Variants in CHD9 observed in about 807,000 individuals in gnomAD.
CHD9 encodes the protein chromodomain helicase DNA binding protein 9, also known as ATP-dependent chromatin remodeler CHD9.
CHD9 carries 77 observed loss-of-function variants against 316.1 expected under a neutral mutation model. The observed-to-expected ratio is 0.24, with a 90% CI of 0.20 to 0.29. The LOEUF (loss-of-function observed/expected upper bound fraction) is 0.29, where lower values mean the gene tolerates loss of function less well. CHD9 is among the 10% of genes least tolerant of loss of function. The pLI is 1.00. For synonymous variants in CHD9, 1,129 were observed against 1,158.3 expected (o/e 0.97, Z 0.51); for missense variants, 2,763 against 3,438.1 (o/e 0.80, Z 4.91).
chr16:53,137,990 G>T (rs2039843672), intron 1 of CHD9, among the ~76,000 whole-genome samples: 1 of 152,146 alleles, frequency 6.6e-6, no homozygotes. Context: ...TAGCTATTAG[G>T]TGGAATGCAC....
At chr16:53,097,949 G>C (rs2036519885) in intron 1 of CHD9, among the ~76,000 whole-genome samples, 1 of 151,928 alleles carries the variant, frequency 6.6e-6, no homozygotes, top group Admixed American at 6.6e-5. Context: ...GTGAAACCCT[G>C]TCTCTACTAA....
At chr16:53,253,682 T>C (rs2050319149) in intron 17 of CHD9, among the ~76,000 whole-genome samples, 2 of 152,106 alleles carry the variant, frequency 1.3e-5, no homozygotes, top group Non-Finnish European at 2.9e-5. Flanking sequence ...CTTTAAAACT[T>C]GAGTGGTAGC....
At chr16:53,261,481 C>G (rs750498370) in intron 19 of CHD9, among the ~76,000 whole-genome samples, 4 of 150,152 alleles carry the variant, frequency 2.7e-5, no homozygotes, top group Non-Finnish European at 4.4e-5. Context: ...TCAAGTGACC[C>G]ACCCACCTCA....
intron 37 of CHD9, among the ~76,000 whole-genome samples, chr16:53,320,593 T>C (rs984784314): frequency 2.0e-5 from 3 of 152,180 alleles, no homozygotes; most frequent in African/African-American, 7.2e-5. Flanking sequence ...TATCAAGATA[T>C]AGTATTTAAT....
In CHD9 at chr16:53,123,264, G is replaced by A. The variant is rs150920158; in HGVS notation, c.-164-32662G>A. On this transcript the variant is annotated intron_variant, in intron 1 of 38. Transcript: ENST00000447540. ...TTCTAGTGTATTCAGAGTTGTGCAA[G>A]TATCTCCACAATCTAATTTTAAAAC... 6.3e-3 allele frequency among the ~76,000 whole-genome samples: 960 copies of A among 151,322 alleles called. 7 individuals are homozygous for A. The highest frequency in any genetic ancestry group is 0.023 in the African/African-American group (937 of 41,148).
At chr16:53,306,837 T>A (rs2056024971) in intron 32 of CHD9, among the ~76,000 whole-genome samples, 1 of 152,124 alleles carries the variant, frequency 6.6e-6, no homozygotes, top group South Asian at 2.1e-4. Context: ...TGGCTTACAG[T>A]GGCACAATCT....
intron 2 of CHD9, among the ~76,000 whole-genome samples, chr16:53,186,422 G>A (rs919485027): frequency 6.6e-6 from 1 of 152,156 alleles, no homozygotes; most frequent in Admixed American, 6.5e-5. Context: ...ATTGTATCTA[G>A]GAAGTAACTA....
intron 20 of CHD9, among the ~76,000 whole-genome samples, chr16:53,263,514 T>A (rs2152993383): frequency 6.6e-6 from 1 of 152,216 alleles, no homozygotes; most frequent in South Asian, 2.1e-4. Context: ...TCTTATGACT[T>A]CCCTTGAGCT....
At chr16:53,170,462 A>G (rs1179771664) in intron 2 of CHD9, among the ~76,000 whole-genome samples, 1 of 152,116 alleles carries the variant, frequency 6.6e-6, no homozygotes, top group Non-Finnish European at 1.5e-5. Context: ...CTTCTGGTGC[A>G]AGAACTTTGT....
rs1376385752 is a variant in CHD9 at position 53,324,613 on chromosome 16, A to G, written c.8412A>G (p.Pro2804=). Reference sequence around the variant, plus strand: ...TATTACTATCTAATATACTTTATCCAGGGATGCTTCTCACTCCAGGCCTTA... The same window carrying G: ...TATTACTATCTAATATACTTTATCCGGGGATGCTTCTCACTCCAGGCCTTA... ...NPLLLSNILY[P]GMLLTPGLNL... is the part of the protein sequence containing the mutation. Residue 2804 remains proline, a synonymous_variant, in exon 39 of 39, where the codon CCA becomes CCG. Coordinates refer to ENST00000447540, the MANE Select transcript of CHD9 (RefSeq NM_001308319.2). The G allele has an allele frequency of 1.2e-6, 2 of 1,613,722 alleles. No individual in the cohort carries two copies. Among genetic ancestry groups the G allele is most frequent in the South Asian group, 1.1e-5 (1 of 91,048 alleles).
intron 26 of CHD9, among the ~76,000 whole-genome samples, chr16:53,287,573 C>T (rs1252417016): frequency 3.9e-5 from 6 of 152,012 alleles, no homozygotes; most frequent in Admixed American, 3.9e-4. Flanking sequence ...ACTAAAGATA[C>T]AGAATTAGCC....
intron 1 of CHD9, among the ~76,000 whole-genome samples, chr16:53,093,565 C>G (rs945425073): frequency 1.3e-5 from 2 of 152,190 alleles, no homozygotes; most frequent in African/African-American, 4.8e-5. Flanking sequence ...TACAAGGTTC[C>G]TGCCTTCTAG....
chr16:53,174,630 A>G (rs535548583), intron 2 of CHD9, among the ~76,000 whole-genome samples: 1 of 152,168 alleles, frequency 6.6e-6, no homozygotes, highest in East Asian at 1.9e-4. Context: ...AATTTTTAAG[A>G]CAGAGCCTCA....
chr16:53,113,845 A>G (rs1411912969), intron 1 of CHD9, among the ~76,000 whole-genome samples: 4 of 152,058 alleles, frequency 2.6e-5, no homozygotes, highest in Non-Finnish European at 4.4e-5. Flanking sequence ...AGCTAGGACT[A>G]CAGCATGCAC....
At chr16:53,196,115 A>G (rs917182668) in intron 2 of CHD9, among the ~76,000 whole-genome samples, 3 of 152,190 alleles carry the variant, frequency 2.0e-5, no homozygotes, top group Admixed American at 1.3e-4. Flanking sequence ...ACTATAGTAC[A>G]GTATCACAGT....
intron 1 of CHD9, among the ~76,000 whole-genome samples, chr16:53,114,141 C>T (rs2038086458): frequency 6.6e-6 from 1 of 151,760 alleles, no homozygotes; most frequent in South Asian, 2.1e-4. Flanking sequence ...TTAGAGTTTG[C>T]CATAACAAAA....
chr16:53,188,546 A>G (rs1258664100), intron 2 of CHD9, among the ~76,000 whole-genome samples: 2 of 115,074 alleles, frequency 1.7e-5, no homozygotes, highest in East Asian at 2.5e-4. Flanking sequence ...TTTGATTTGC[A>G]TTTCCCTGAT....
chr16:53,321,890 G>A (rs574241242), intron 38 of CHD9, among the ~76,000 whole-genome samples: 4 of 151,878 alleles, frequency 2.6e-5, no homozygotes, highest in African/African-American at 9.7e-5. Flanking sequence ...TCAAATATAT[G>A]AGCAAATATG....
rs2056232206 is a variant in CHD9 at position 53,308,973 on chromosome 16, T to C, written c.7222+119T>C. ...CCTTTGTTGGAACCTCTTAAGCCTA[T>C]AAAGTAATCAATAGAATTTTAAATC... On this transcript the variant is annotated intron_variant, in intron 34 of 38. Transcript: ENST00000447540. 3 of 695,956 alleles carry C rather than the reference T, an allele frequency of 4.3e-6. No individual in the cohort carries two copies. The Admixed American group carries it at 1.0e-4, about 24-fold the overall frequency. The allele number at this position is 695,956 out of a possible 1,614,324, so 43.1% of individuals were successfully genotyped here.
Sources: gnomAD v4.1 joint callset for allele counts (sites outside exome capture counted in the v4.1 genomes callset) on GRCh38, gnomAD v4.1.1 for gene constraint, MANE v1.5 for transcripts, NCBI Gene and HGNC (gene_info 2026-07-23, HGNC 2026-07-21) for gene names.